The following NOD1 variants were observed in gnomAD, a reference collection of about 807,000 sequenced individuals.
NOD1 encodes the protein nucleotide binding oligomerization domain containing 1.
NOD1 carries 70 observed loss-of-function variants against 81.2 expected under a neutral mutation model. That is an observed-to-expected ratio of 0.86 (90% CI 0.71 to 1.05). The LOEUF (loss-of-function observed/expected upper bound fraction) is 1.05. Among genes scored for constraint, NOD1 ranks in the 50% least tolerant of loss-of-function variants. The pLI, the probability that NOD1 is intolerant of heterozygous loss-of-function variation, is 0.00. For missense variants in NOD1, 1,233 were observed against 1,228.0 expected (o/e 1.00, Z -0.06); for synonymous variants, 508 against 526.9 (o/e 0.96, Z 0.49).
At chr7:30,427,006 A>AT (rs1350204649) in intron 13 of NOD1, among the ~76,000 whole-genome samples, 1 of 151,978 alleles carries the variant, frequency 6.6e-6, no homozygotes, top group Non-Finnish European at 1.5e-5. Flanking sequence ...TACGCAAATG[A>AT]TTTTTTCTTT....
intron 1 of NOD1, chr7:30,463,541 G>A (rs1193607233): frequency 6.6e-6 from 1 of 152,550 alleles, no homozygotes; most frequent in Non-Finnish European, 1.5e-5. Flanking sequence ...CTCACCTCCT[G>A]GAGAGCAACC....
chr7:30,452,952 C>T lies in NOD1; in HGVS notation c.465G>A (p.Leu155=), dbSNP rs1379593175. Residue 155 remains leucine (L), a synonymous_variant, in exon 6 of 14, where the codon CTG becomes CTA. Transcript: ENST00000222823. The stretch of plus-strand genomic sequence containing the variant: ...TGATGGTGTCCATGTAGATCTCCTC[C>T]AGCAGCAGCTCCTCCTTCTGGGCAT... The part of the protein sequence containing the change: ...LCYAQKEELL[L]EEIYMDTIME... 7 of 1,612,964 alleles carry T rather than the reference C, an allele frequency of 4.3e-6. No individual in the cohort carries two copies. Among genetic ancestry groups the T allele is most frequent in the Non-Finnish European group, 5.9e-6 (7 of 1,179,596 alleles).
chr7:30,451,154 C>A lies in NOD1; in HGVS notation c.2201+62G>T, dbSNP rs184829338. 3.9e-6 allele frequency: 6 copies of A among 1,551,546 alleles called. No individual in the cohort carries two copies. Among genetic ancestry groups the A allele is most frequent in the Non-Finnish European group, 5.2e-6 (6 of 1,148,334 alleles). Reference sequence around the variant, plus strand: ...GGATCCTGGTCCATGATGCCATTCCCGATGCCCTCCGAGCCTGGCCCGCCC... The same window carrying A: ...GGATCCTGGTCCATGATGCCATTCCAGATGCCCTCCGAGCCTGGCCCGCCC... On this transcript the variant is annotated intron_variant, in intron 6 of 13. Transcript: ENST00000222823. The surrounding 1 kb of genome is among the most constrained non-coding windows in gnomAD (Gnocchi z 4.2).
At chr7:30,453,996 A>G (rs1028604880) in intron 5 of NOD1, among the ~76,000 whole-genome samples, 5 of 152,250 alleles carry the variant, frequency 3.3e-5, no homozygotes, top group Non-Finnish European at 7.3e-5. Flanking sequence ...CTTTCGAAAG[A>G]ATGATTCCTC....
intron 3 of NOD1, among the ~76,000 whole-genome samples, chr7:30,458,544 T>G (rs1176501261): frequency 6.6e-6 from 1 of 152,192 alleles, no homozygotes; most frequent in African/African-American, 2.4e-5. Flanking sequence ...CTTCTATGTT[T>G]TCTTTTTTTA....
chr7:30,454,206 T>C (rs1455053502), intron 5 of NOD1, among the ~76,000 whole-genome samples: 1 of 152,228 alleles, frequency 6.6e-6, no homozygotes, highest in Admixed American at 6.5e-5. Context: ...AACAACATAT[T>C]GGATTCTTTA....
Position 30,447,054 on chromosome 7 carries a change from C to G in NOD1, c.2286-4G>C. On this transcript the variant is annotated splice_region_variant and splice_polypyrimidine_tract_variant and intron_variant, in intron 7 of 13. Coordinates refer to ENST00000222823, the MANE Select transcript of NOD1 (RefSeq NM_006092.4). ...GGTGATCTGGTTGTTGTATAAACTT[C>G]AAGAGAAAGCACAGCCATGAGACTT... The G allele has an allele frequency of 6.2e-7, 1 of 1,613,946 alleles. No individual in the cohort carries two copies. The highest frequency in any genetic ancestry group is 8.5e-7 in the Non-Finnish European group (1 of 1,179,820).
Position 30,451,688 on chromosome 7 carries a change from C to A in NOD1, c.1729G>T (p.Asp577Tyr), listed in dbSNP as rs776380921. The A allele has an allele frequency of 3.7e-6, 6 of 1,613,940 alleles. No individual in the cohort carries two copies. In the South Asian group the frequency reaches 5.5e-5, roughly 15 times the overall value. Reference protein sequence around the residue: ...CLQGSGPAREDLFKNKDHFQF... With the variant: ...CLQGSGPAREYLFKNKDHFQF... Reference sequence around the variant, plus strand: ...AAGTGATCCTTGTTCTTGAAGAGGTCTTCCCGCGCCGGACCACTGCCCTGC... The same window carrying A: ...AAGTGATCCTTGTTCTTGAAGAGGTATTCCCGCGCCGGACCACTGCCCTGC... The change falls in exon 6 of 14, where the codon GAC (aspartate) becomes TAC (tyrosine). Residue 577 changes from aspartate (D) to tyrosine (Y), a missense_variant. Asp to Tyr is a radical substitution (Grantham distance 160). Transcript: ENST00000222823. The surrounding 1 kb of genome is among the most constrained non-coding windows in gnomAD (Gnocchi z 4.2).
chr7:30,425,632 A>C lies in NOD1; in HGVS notation c.*6T>G. On this transcript the variant is annotated 3_prime_UTR_variant, in exon 14 of 14. Coordinates refer to ENST00000222823, the MANE Select transcript of NOD1 (RefSeq NM_006092.4). ...GCAAAAACCCCATGAACAGGAAAGC[A>C]TCCTCTCAGAAACAGATAATCCGCT... 1 of 1,610,036 alleles carries C rather than the reference A, an allele frequency of 6.2e-7. No homozygotes were observed. The highest frequency in any genetic ancestry group is 8.5e-7 in the Non-Finnish European group (1 of 1,176,216).
chr7:30,460,792 G>C (rs1786975731), intron 1 of NOD1: 1 of 689,642 alleles, frequency 1.5e-6, no homozygotes, highest in Non-Finnish European at 1.8e-6. Context: ...TCTGCCCTCA[G>C]AGAGGGTTAG....
chr7:30,449,169 A>G (rs564950882), intron 6 of NOD1, among the ~76,000 whole-genome samples: 1 of 152,362 alleles, frequency 6.6e-6, no homozygotes, highest in South Asian at 2.1e-4. Flanking sequence ...GATAACAAGT[A>G]AAAGGCTGAA....
rs1191186540 is a variant in NOD1, at chr7:30,433,170, T to C, written c.2631A>G (p.Gln877=). Residue 877 remains glutamine (Q), a synonymous_variant, in exon 12 of 14, where the codon CAA becomes CAG. Coordinates refer to ENST00000222823, the MANE Select transcript of NOD1 (RefSeq NM_006092.4). ...NTSLEILWLT[Q]NELNDEVAES... Reference sequence around the variant, plus strand: ...CTGCCACTTCATCGTTGAGTTCATTTTGGGTCAGCCTAAGGAAAAAAAAGG... The same window carrying C: ...CTGCCACTTCATCGTTGAGTTCATTCTGGGTCAGCCTAAGGAAAAAAAAGG... The C allele has an allele frequency of 9.9e-6, 16 of 1,613,820 alleles. No homozygotes were observed. Among genetic ancestry groups the C allele is most frequent in the Non-Finnish European group, 1.3e-5 (15 of 1,179,806 alleles).
chr7:30,472,620 T>C (rs1249150976), intron 1 of NOD1, among the ~76,000 whole-genome samples: 3 of 152,252 alleles, frequency 2.0e-5, no homozygotes, highest in South Asian at 2.1e-4. Context: ...TGTTTACAGA[T>C]AGGGCTGTTG....
At chr7:30,458,218 T>C (rs1026393749) in intron 3 of NOD1, among the ~76,000 whole-genome samples, 2 of 152,004 alleles carry the variant, frequency 1.3e-5, no homozygotes, top group Non-Finnish European at 2.9e-5. Flanking sequence ...CAAAAAATAA[T>C]AATTTTTTAA....
intron 1 of NOD1, chr7:30,468,683 AT>A: frequency 3.4e-6 from 1 of 296,490 alleles, no homozygotes; most frequent in Non-Finnish European, 5.0e-6. Context: ...TATAACCCAG[AT>A]TGCAAATGTC....
chr7:30,475,145 T>C (rs1169656116), intron 1 of NOD1, among the ~76,000 whole-genome samples: 1 of 152,230 alleles, frequency 6.6e-6, no homozygotes, highest in African/African-American at 2.4e-5. Flanking sequence ...TAAATCATCA[T>C]CTGCTCTCAG....
intron 9 of NOD1, among the ~76,000 whole-genome samples, chr7:30,445,278 T>TAAAAAAAAAAAAAAAAAAAAACA (rs1784925184): frequency 1.4e-5 from 1 of 69,176 alleles, no homozygotes; most frequent in Admixed American, 1.7e-4. Flanking sequence ...AAAAAGAATC[T>TAAAAAAAAAAAAAAAAAAAAACA]AAAAAAAAAA....
rs143071756 is a variant in NOD1, at chr7:30,438,694, C to T, written c.2454-1038G>A. On this transcript the variant is annotated intron_variant, in intron 9 of 13. Transcript: ENST00000222823. Reference sequence around the variant, plus strand: ...TGCTTACATATATGTATTTACTATACAATTGAATGGCATCACATTTTTAAT... The same window carrying T: ...TGCTTACATATATGTATTTACTATATAATTGAATGGCATCACATTTTTAAT... Among the ~76,000 whole-genome samples, 684 of 152,264 alleles carry T rather than the reference C, an allele frequency of 4.5e-3. 10 individuals carry two copies. Among genetic ancestry groups the T allele is most frequent in the African/African-American group, 0.016 (654 of 41,544 alleles).
At chr7:30,434,003 C>T (rs1156940383) in intron 11 of NOD1, among the ~76,000 whole-genome samples, 1 of 152,130 alleles carries the variant, frequency 6.6e-6, no homozygotes, top group East Asian at 1.9e-4. Flanking sequence ...AGATCAGAAA[C>T]AACTGATGAA....
Sources: gnomAD v4.1 joint callset for allele counts (sites outside exome capture counted in the v4.1 genomes callset) on GRCh38, gnomAD v4.1.1 for gene constraint, Gnocchi (gnomAD v3.1) non-coding constraint, MANE v1.5 for transcripts, NCBI Gene and HGNC (gene_info 2026-07-23, HGNC 2026-07-21) for gene names.